NCS1: variants seen among roughly 807,000 people sequenced by gnomAD.
NCS1 encodes frequenin homolog.
A neutral mutation model predicts 28.4 loss-of-function variants in NCS1; 6 were observed. The ratio of observed to expected loss-of-function variants is 0.21; its 90% CI spans 0.12 to 0.42. The LOEUF (loss-of-function observed/expected upper bound fraction) is 0.42. Among genes scored for constraint, NCS1 ranks in the 10% least tolerant of loss-of-function variants. NCS1 has a pLI of 1.00. For synonymous variants in NCS1, 86 were observed against 99.3 expected (o/e 0.87, Z 0.79); for missense variants, 131 against 241.4 (o/e 0.54, Z 3.03).
In NCS1 at chr9:130,177,307, C is replaced by T. The variant is rs2131113590; in HGVS notation, c.64+4580C>T. On this transcript the variant is annotated intron_variant, in intron 1 of 7. Coordinates refer to ENST00000372398, the MANE Select transcript of NCS1 (RefSeq NM_014286.4). This position sits in a 1 kb window ranked among gnomAD's most constrained non-coding sequence, Gnocchi z 4.4. ...GAGGAATATTCTCTGATCATCACTCCCCACCCAACTCTGCTCAACCAGGGT... is the reference window on the plus strand; with the variant it reads ...GAGGAATATTCTCTGATCATCACTCTCCACCCAACTCTGCTCAACCAGGGT... 6.6e-6 allele frequency among the ~76,000 whole-genome samples: 1 copy of T among 152,288 alleles called. No individual in the cohort carries two copies. Among genetic ancestry groups the T allele is most frequent in the East Asian group, 1.9e-4 (1 of 5,168 alleles).
chr9:130,211,326 A>G (rs1482840520), intron 2 of NCS1, among the ~76,000 whole-genome samples: 1 of 151,418 alleles, frequency 6.6e-6, no homozygotes, highest in African/African-American at 2.4e-5. Context: ...AGAGCCATCC[A>G]TCCTCTGGAG....
intron 2 of NCS1, among the ~76,000 whole-genome samples, chr9:130,203,892 C>T (rs1030763818): frequency 6.6e-5 from 10 of 152,214 alleles, no homozygotes; most frequent in Non-Finnish European, 1.3e-4. Context: ...CCCCTTCCCA[C>T]ACCTGGGCCT....
chr9:130,213,001 C>A (rs575850514), intron 2 of NCS1, among the ~76,000 whole-genome samples: 1 of 152,300 alleles, frequency 6.6e-6, no homozygotes, highest in African/African-American at 2.4e-5. Context: ...CTCTCTGCTC[C>A]AGTTGAGGCA....
chr9:130,210,044 TG>T (rs1833090843), intron 2 of NCS1, among the ~76,000 whole-genome samples: 9 of 151,884 alleles, frequency 5.9e-5, no homozygotes, highest in Admixed American at 5.9e-4. Context: ...AGTTACTGGG[TG>T]GGGAGGGGCA....
intron 2 of NCS1, among the ~76,000 whole-genome samples, chr9:130,201,270 C>T (rs1279900524): frequency 6.6e-6 from 1 of 152,186 alleles, no homozygotes; most frequent in Non-Finnish European, 1.5e-5. Flanking sequence ...AGGCCCTGTT[C>T]ACCAAAGAGA....
intron 1 of NCS1, chr9:130,200,438 A>G (rs7037293): frequency 0.86 from 672,536 of 778,214 alleles, 290,956 homozygotes; most frequent in East Asian, 0.95. Context: ...GGCTGACCAC[A>G]GAGAGGGGCT....
chr9:130,183,985 G>GT (rs1284588627), intron 1 of NCS1, among the ~76,000 whole-genome samples: 3 of 151,844 alleles, frequency 2.0e-5, no homozygotes, highest in South Asian at 2.1e-4. Context: ...AATTTTTTGT[G>GT]TTTTTTAGCA....
chr9:130,226,026 C>G lies in NCS1; in HGVS notation c.475-363C>G, dbSNP rs1193233054. On this transcript the variant is annotated intron_variant, in intron 6 of 7. Transcript: ENST00000372398. This position sits in a 1 kb window ranked among gnomAD's most constrained non-coding sequence, Gnocchi z 4.8. ...TGACCCCAGAGAACTGCACGAGGCT[C>G]TCAGCCTTGTCAGTTACTCACATTG... Among the ~76,000 whole-genome samples, 3 of 152,232 alleles carry G rather than the reference C, an allele frequency of 2.0e-5. No individual in the cohort carries two copies. Among genetic ancestry groups the G allele is most frequent in the African/African-American group, 4.8e-5 (2 of 41,462 alleles).
intron 1 of NCS1, among the ~76,000 whole-genome samples, chr9:130,184,054 C>T (rs1163060277): frequency 6.6e-6 from 1 of 152,080 alleles, no homozygotes; most frequent in Non-Finnish European, 1.5e-5. Flanking sequence ...TCATTATCCA[C>T]CCGCCTCGGC....
intron 6 of NCS1, among the ~76,000 whole-genome samples, chr9:130,224,994 C>A (rs1046739656): frequency 6.6e-6 from 1 of 152,136 alleles, no homozygotes; most frequent in Non-Finnish European, 1.5e-5. Flanking sequence ...GAGTTTGAGA[C>A]CAGCCTGGGC....
intron 1 of NCS1, among the ~76,000 whole-genome samples, chr9:130,176,173 TCTTTCTTTCTTTC>T (rs1564700746): frequency 0.048 from 5,039 of 105,334 alleles, 448 homozygotes; most frequent in East Asian, 0.12. Context: ...TTTCTTTCTT[TCTTTCTTTCTTTC>T]TTTCTTTCTT....
intron 1 of NCS1, among the ~76,000 whole-genome samples, chr9:130,197,717 C>G (rs1832893089): frequency 6.6e-6 from 1 of 152,160 alleles, no homozygotes; most frequent in African/African-American, 2.4e-5. Flanking sequence ...AATCTCAGCA[C>G]TTTGGGAGGC....
chr9:130,211,791 G>T (rs978593998), intron 2 of NCS1, among the ~76,000 whole-genome samples: 7 of 152,196 alleles, frequency 4.6e-5, no homozygotes, highest in African/African-American at 1.7e-4. Context: ...TGAACTAGAA[G>T]ATAGGGCTCC....
rs367595994 is a variant in NCS1, at chr9:130,193,560, C to T, written c.65-7398C>T. Among the ~76,000 whole-genome samples, 254 of 151,478 alleles carry T rather than the reference C, an allele frequency of 1.7e-3. 1 individual carries two copies. In the Middle Eastern group the frequency reaches 0.021, roughly 12 times the overall value. On this transcript the variant is annotated intron_variant, in intron 1 of 7. Coordinates refer to ENST00000372398, the MANE Select transcript of NCS1 (RefSeq NM_014286.4). Reference sequence around the variant, plus strand: ...CTGGATGGGGACCTGGGAAGAGGCCCGGGCGATCCCTTTGGGCCACGTGGA... The same window carrying T: ...CTGGATGGGGACCTGGGAAGAGGCCTGGGCGATCCCTTTGGGCCACGTGGA...
At chr9:130,200,751 C>A in intron 1 of NCS1, 1 of 1,409,322 alleles carries the variant, frequency 7.1e-7, no homozygotes, top group Non-Finnish European at 9.9e-7. Context: ...GGGGTGGGGC[C>A]AGTGTCCCCT....
intron 2 of NCS1, among the ~76,000 whole-genome samples, chr9:130,203,278 C>G (rs551976425): frequency 2.0e-5 from 3 of 152,014 alleles, no homozygotes; most frequent in African/African-American, 7.2e-5. Flanking sequence ...CACCTGATGC[C>G]TGGCTAATTT....
chr9:130,204,685 G>A (rs1347203502), intron 2 of NCS1, among the ~76,000 whole-genome samples: 1 of 152,232 alleles, frequency 6.6e-6, no homozygotes, highest in African/African-American at 2.4e-5. Context: ...TGGAAAAGGA[G>A]GGGGATAATA....
chr9:130,189,875 AAAAAATATATATAT>A (rs1311985216), intron 1 of NCS1, among the ~76,000 whole-genome samples: 56 of 91,434 alleles, frequency 6.1e-4, no homozygotes, highest in Admixed American at 7.8e-4. Context: ...AAAAAAAAAA[AAAAAATATATATAT>A]ATATATATAT....
In NCS1 at chr9:130,192,377, C is replaced by G. The variant is rs1832826484; in HGVS notation, c.65-8581C>G. ...TCTGGGGCCCGGCCACGTTGTCTGG[C>G]CCAGAGCCTGTGCCCACCTTCCTGT... On this transcript the variant is annotated intron_variant, in intron 1 of 7. Coordinates refer to ENST00000372398, the MANE Select transcript of NCS1 (RefSeq NM_014286.4). The surrounding 1 kb of genome is among the most constrained non-coding windows in gnomAD (Gnocchi z 4.8). 1.3e-5 allele frequency among the ~76,000 whole-genome samples: 2 copies of G among 152,056 alleles called. No homozygotes were observed. The highest frequency in any genetic ancestry group is 4.8e-5 in the African/African-American group (2 of 41,390).
Sources: allele counts gnomAD v4.1 joint callset (sites outside exome capture counted in the v4.1 genomes callset), GRCh38; gene constraint gnomAD v4.1.1; non-coding constraint Gnocchi (gnomAD v3.1); transcripts MANE v1.5; gene names NCBI Gene and HGNC (gene_info 2026-07-23, HGNC 2026-07-21).